The following RELN variants were observed in gnomAD, a reference collection of about 807,000 sequenced individuals.
RELN encodes the protein reelin.
In RELN, 108 loss-of-function variants were observed where a neutral mutation model predicts 427.6. The observed-to-expected ratio is 0.25, with a 90% CI of 0.22 to 0.30. The LOEUF is 0.30. Among genes scored for constraint, RELN ranks in the 10% least tolerant of loss-of-function variants. The pLI is 1.00. For synonymous variants in RELN, 1,524 were observed against 1,513.4 expected (o/e 1.01, Z -0.16); for missense variants, 3,715 against 4,302.8 (o/e 0.86, Z 3.82).
At chr7:103,780,576 A>C (rs1791864033) in intron 3 of RELN, among the ~76,000 whole-genome samples, 1 of 152,002 alleles carries the variant, frequency 6.6e-6, no homozygotes, top group African/African-American at 2.4e-5. Flanking sequence ...AATAGGCTCC[A>C]GTGTGTGTTG....
At chr7:103,663,574 C>G (rs1243316808) in intron 11 of RELN, among the ~76,000 whole-genome samples, 1 of 152,182 alleles carries the variant, frequency 6.6e-6, no homozygotes, top group Non-Finnish European at 1.5e-5. Flanking sequence ...CTCCCGACCA[C>G]ACGTCAGGCA....
At chr7:103,742,516 GA>G (rs892856454) in intron 6 of RELN, among the ~76,000 whole-genome samples, 7 of 151,796 alleles carry the variant, frequency 4.6e-5, no homozygotes, top group Non-Finnish European at 5.9e-5. Context: ...TAAAAGCTTT[GA>G]AAAAAAATCA....
intron 1 of RELN, among the ~76,000 whole-genome samples, chr7:103,971,357 A>C (rs1796761530): frequency 6.6e-6 from 1 of 152,164 alleles, no homozygotes; most frequent in Admixed American, 6.5e-5. Context: ...TATATATTAC[A>C]AGGAATTACT....
At chr7:103,479,493 A>G (rs924819536) in intron 63 of RELN, among the ~76,000 whole-genome samples, 1 of 152,200 alleles carries the variant, frequency 6.6e-6, no homozygotes, top group Non-Finnish European at 1.5e-5. Context: ...GTTATACGGC[A>G]GATTAGCAGG....
chr7:103,736,964 A>G (rs1790509315), intron 6 of RELN, among the ~76,000 whole-genome samples: 1 of 152,202 alleles, frequency 6.6e-6, no homozygotes, highest in Admixed American at 6.5e-5. Flanking sequence ...GAGTTTTGTA[A>G]TAAGAGAAAA....
At chr7:103,820,071 T>G (rs1792976749) in intron 3 of RELN, among the ~76,000 whole-genome samples, 1 of 152,032 alleles carries the variant, frequency 6.6e-6, no homozygotes, top group Non-Finnish European at 1.5e-5. Context: ...TCCATTTCAA[T>G]GTATCTTTAA....
intron 4 of RELN, among the ~76,000 whole-genome samples, chr7:103,769,343 C>T (rs1791507828): frequency 6.6e-6 from 1 of 152,186 alleles, no homozygotes; most frequent in Non-Finnish European, 1.5e-5. Flanking sequence ...TGGCTTGCCC[C>T]TTTGCCTTCC....
Position 103,908,064 on chromosome 7 carries a change from G to GT in RELN, c.337+9010dup, listed in dbSNP as rs1321521798. Among the ~76,000 whole-genome samples, 29 of 152,012 alleles carry GT rather than the reference G, an allele frequency of 1.9e-4. 1 individual carries two copies. Among genetic ancestry groups the GT allele is most frequent in the Non-Finnish European group, 3.5e-4 (24 of 68,006 alleles). Reference sequence around the variant, plus strand: ...AGTGAGAACATGAGGTGGACACCTGGTTTTATCCTCACACTTACACTATCT... The same window carrying GT: ...AGTGAGAACATGAGGTGGACACCTGGTTTTTATCCTCACACTTACACTATCT... On this transcript the variant is annotated intron_variant, in intron 2 of 64. Coordinates refer to ENST00000428762, the MANE Select transcript of RELN (RefSeq NM_005045.4).
intron 9 of RELN, 96 bp downstream of exon 9, chr7:103,700,813 AC>A: frequency 2.5e-6 from 2 of 799,822 alleles, no homozygotes; most frequent in Non-Finnish European, 4.5e-6. Context: ...AGTCCTTTTT[AC>A]CCTAAAGAAA....
At chr7:103,911,796 T>C (rs1430422434) in intron 2 of RELN, among the ~76,000 whole-genome samples, 3 of 127,438 alleles carry the variant, frequency 2.4e-5, no homozygotes, top group East Asian at 2.3e-4. Flanking sequence ...TAGGTGGGAA[T>C]TGAACAATGA....
chr7:103,730,688 G>T (rs1021118309), intron 6 of RELN, among the ~76,000 whole-genome samples: 2 of 152,106 alleles, frequency 1.3e-5, no homozygotes, highest in African/African-American at 4.8e-5. Context: ...CTGTGTGGTT[G>T]CTACCTCCAG....
chr7:103,772,978 T>G (rs189979466), intron 4 of RELN, among the ~76,000 whole-genome samples: 3 of 152,180 alleles, frequency 2.0e-5, no homozygotes, highest in African/African-American at 7.2e-5. Context: ...AAAGGCACCA[T>G]GAAAATAGGA....
chr7:103,982,197 C>G (rs1354129887), intron 1 of RELN, among the ~76,000 whole-genome samples: 4 of 151,954 alleles, frequency 2.6e-5, no homozygotes, highest in African/African-American at 9.7e-5. Context: ...TCCCAAAGAC[C>G]CTAATCAACA....
At chr7:103,892,518 T>C (rs1437216807) in intron 2 of RELN, among the ~76,000 whole-genome samples, 2 of 152,204 alleles carry the variant, frequency 1.3e-5, no homozygotes, top group East Asian at 1.9e-4. Context: ...TGGGGAAATA[T>C]ATCCACTTTC....
chr7:103,928,685 T>C (rs1042236843), intron 1 of RELN, among the ~76,000 whole-genome samples: 1 of 152,210 alleles, frequency 6.6e-6, no homozygotes, highest in Non-Finnish European at 1.5e-5. Flanking sequence ...GTGTAAATGT[T>C]GTTTAACAAG....
chr7:103,688,122 C>T (rs1021077456), intron 10 of RELN, among the ~76,000 whole-genome samples: 8 of 152,026 alleles, frequency 5.3e-5, no homozygotes, highest in African/African-American at 1.9e-4. Context: ...ACATCCCAAG[C>T]AAAGGGAATT....
At chr7:103,847,620 C>A (rs954478828) in intron 2 of RELN, among the ~76,000 whole-genome samples, 4 of 152,260 alleles carry the variant, frequency 2.6e-5, no homozygotes, top group Admixed American at 2.6e-4. Flanking sequence ...CTTGGCATTT[C>A]TTTGGCAGAG....
At chr7:103,967,025 TGTC>T (rs1241579557) in intron 1 of RELN, among the ~76,000 whole-genome samples, 1 of 152,214 alleles carries the variant, frequency 6.6e-6, no homozygotes, top group African/African-American at 2.4e-5. Context: ...CTTTTGCAGC[TGTC>T]GTCATTGCCA....
chr7:103,577,311 C>A (rs1486608543), intron 28 of RELN, among the ~76,000 whole-genome samples: 1 of 151,966 alleles, frequency 6.6e-6, no homozygotes, highest in Non-Finnish European at 1.5e-5. Flanking sequence ...TTTTTTCCCC[C>A]CTTCATTATT....
Sources: allele counts gnomAD v4.1 joint callset (sites outside exome capture counted in the v4.1 genomes callset), GRCh38; gene constraint gnomAD v4.1.1; transcripts MANE v1.5; gene names NCBI Gene and HGNC (gene_info 2026-07-23, HGNC 2026-07-21).